SLC24A2: variants seen among roughly 807,000 people sequenced by gnomAD.
SLC24A2 encodes the protein solute carrier family 24 member 2.
A neutral mutation model predicts 62.0 loss-of-function variants in SLC24A2; 36 were observed. The observed-to-expected ratio is 0.58, with a 90% CI of 0.44 to 0.77. The LOEUF (loss-of-function observed/expected upper bound fraction) is 0.77. Among genes scored for constraint, SLC24A2 ranks in the 30% least tolerant of loss-of-function variants. The probability of loss-of-function intolerance (pLI) is 0.00; values close to 1 mark genes in which losing one functional copy is unlikely to be tolerated. For synonymous variants in SLC24A2, 358 were observed against 294.0 expected (o/e 1.22, Z -2.23); for missense variants, 846 against 817.9 (o/e 1.03, Z -0.42).
At chr9:20,030,640 C>T in the SLC24A2 span, among the ~76,000 whole-genome samples, 71 of 152,322 alleles carry the variant, frequency 4.7e-4, 2 homozygotes, top group African/African-American at 1.6e-3. Flanking sequence ...ACTACTGCAG[C>T]ATCACTTACA....
chr9:19,622,994 T>C (rs959593208), intron 2 of SLC24A2, among the ~76,000 whole-genome samples: 11 of 152,174 alleles, frequency 7.2e-5, no homozygotes, highest in African/African-American at 2.4e-4. Flanking sequence ...GAGAAGTCTC[T>C]GTCCAGTTGA....
the SLC24A2 span, among the ~76,000 whole-genome samples, chr9:20,090,710 T>G: frequency 6.6e-6 from 1 of 151,996 alleles, no homozygotes; most frequent in Admixed American, 6.6e-5. Flanking sequence ...CTGACTATAC[T>G]TAATCTATAT....
the SLC24A2 span, among the ~76,000 whole-genome samples, chr9:19,936,935 G>C: frequency 3.9e-4 from 59 of 152,282 alleles, no homozygotes; most frequent in African/African-American, 1.4e-3. Context: ...AGAGGTAGAG[G>C]CTGCTGCTTT....
the SLC24A2 span, among the ~76,000 whole-genome samples, chr9:19,818,424 C>T: frequency 2.0e-5 from 3 of 152,084 alleles, no homozygotes; most frequent in Admixed American, 6.6e-5. Context: ...TCACTGTTTG[C>T]TGACGATATG....
chr9:19,563,828 C>CTT (rs1835533253), intron 7 of SLC24A2, among the ~76,000 whole-genome samples: 11 of 33,530 alleles, frequency 3.3e-4, no homozygotes, highest in Admixed American at 1.6e-3. Context: ...CTTCCTTCCT[C>CTT]CCTCCCTCCC....
chr9:19,916,100 A>G, the SLC24A2 span, among the ~76,000 whole-genome samples: 1 of 152,084 alleles, frequency 6.6e-6, no homozygotes, highest in Admixed American at 6.6e-5. Context: ...TGTGAGGTAG[A>G]GGTCCAAATC....
At chr9:20,279,101 A>T in the SLC24A2 span, among the ~76,000 whole-genome samples, 6 of 151,892 alleles carry the variant, frequency 4.0e-5, no homozygotes, top group Non-Finnish European at 5.9e-5. Flanking sequence ...CATGAGAACA[A>T]CATGAAAAAA....
At chr9:19,879,295 T>C in the SLC24A2 span, among the ~76,000 whole-genome samples, 1 of 151,894 alleles carries the variant, frequency 6.6e-6, no homozygotes, top group Non-Finnish European at 1.5e-5. Context: ...AGACTGATGG[T>C]GGTAAGTTAA....
chr9:20,189,076 C>CTTTTTTTTTT, the SLC24A2 span, among the ~76,000 whole-genome samples: 2 of 96,526 alleles, frequency 2.1e-5, no homozygotes, highest in African/African-American at 4.6e-5. Flanking sequence ...CTTTTTTTTT[C>CTTTTTTTTTT]TTTTTTTTTT....
intron 2 of SLC24A2, among the ~76,000 whole-genome samples, chr9:19,756,038 G>A (rs1822130629): frequency 6.6e-6 from 1 of 152,090 alleles, no homozygotes; most frequent in African/African-American, 2.4e-5. Context: ...GATTCCACTG[G>A]GCTGAGGGCC....
upstream of SLC24A2, among the ~76,000 whole-genome samples, chr9:19,792,601 G>C (rs569460750): frequency 2.0e-5 from 3 of 151,714 alleles, no homozygotes; most frequent in East Asian, 5.8e-4. Flanking sequence ...CCAGCTACTT[G>C]GGAGGTTGAG....
chr9:19,559,179 A>G (rs551908096), intron 7 of SLC24A2, among the ~76,000 whole-genome samples: 11 of 152,330 alleles, frequency 7.2e-5, no homozygotes, highest in Admixed American at 5.9e-4. Flanking sequence ...TAATTTCTTC[A>G]AAGACATGTA....
chr9:19,880,222 C>G, the SLC24A2 span, among the ~76,000 whole-genome samples: 2 of 152,132 alleles, frequency 1.3e-5, no homozygotes, highest in Non-Finnish European at 2.9e-5. Context: ...TTAGCCTGGA[C>G]ACAGCATTCC....
chr9:19,568,055 T>C (rs1433404287), intron 7 of SLC24A2, among the ~76,000 whole-genome samples: 2 of 152,202 alleles, frequency 1.3e-5, no homozygotes, highest in Non-Finnish European at 2.9e-5. Flanking sequence ...GTGTGGTGTA[T>C]GGGGCTCATA....
At chr9:19,559,501 G>C (rs944997519) in intron 7 of SLC24A2, among the ~76,000 whole-genome samples, 1 of 152,146 alleles carries the variant, frequency 6.6e-6, no homozygotes, top group African/African-American at 2.4e-5. Context: ...TAAGCAGGGG[G>C]CAAGACTCAT....
chr9:19,705,876 G>A (rs974804471), intron 2 of SLC24A2, among the ~76,000 whole-genome samples: 2 of 151,614 alleles, frequency 1.3e-5, no homozygotes, highest in African/African-American at 4.9e-5. Context: ...TTTGGAATAG[G>A]TGTGGTGTGG....
chr9:19,957,413 C>G, the SLC24A2 span: 5 of 152,212 alleles, frequency 3.3e-5, no homozygotes, highest in African/African-American at 1.2e-4. Context: ...AGATTGTGGT[C>G]TGTGGCAATC....
chr9:20,263,857 A>ACCCCCCCCCCCCCCCCCC, the SLC24A2 span, among the ~76,000 whole-genome samples: 1 of 22,220 alleles, frequency 4.5e-5, no homozygotes, highest in Non-Finnish European at 8.6e-5. Context: ...TGGATATCCC[A>ACCCCCCCCCCCCCCCCCC]CCCGCCCCCC....
At chr9:19,683,732 T>G (rs1819791135) in intron 2 of SLC24A2, among the ~76,000 whole-genome samples, 1 of 152,118 alleles carries the variant, frequency 6.6e-6, no homozygotes, top group African/African-American at 2.4e-5. Flanking sequence ...TAAGCAGAAC[T>G]GAAATTTTAT....
Sources: allele counts gnomAD v4.1 joint callset (sites outside exome capture counted in the v4.1 genomes callset), GRCh38; gene constraint gnomAD v4.1.1; transcripts MANE v1.5; gene names NCBI Gene and HGNC (gene_info 2026-07-23, HGNC 2026-07-21).